The following SUGP1 variants were observed in gnomAD, a reference collection of about 807,000 sequenced individuals.
SUGP1 encodes SURP and G-patch domain containing 1.
SUGP1 carries 34 observed loss-of-function variants against 76.5 expected under a neutral mutation model. The observed-to-expected ratio is 0.44, with a 90% CI of 0.34 to 0.59. SUGP1 has a LOEUF of 0.59. Among genes scored for constraint, SUGP1 ranks in the 20% least tolerant of loss-of-function variants. SUGP1 has a pLI of 0.01. For synonymous variants in SUGP1, 326 were observed against 326.2 expected, an observed-to-expected ratio of 1.00 and a Z score of 0.01; for missense variants, 752 against 851.7, an observed-to-expected ratio of 0.88 and a Z score of 1.46.
chr19:19,278,689 C>A lies in SUGP1; in HGVS notation c.1635+1G>T. On this transcript the variant is annotated splice_donor_variant, in intron 11 of 13. Transcript: ENST00000247001. LOFTEE classifies it high-confidence loss of function. ...TGGAGCTAGGGCCCCTCCTGGCTCA[C>A]CTTCAGGGCCTTGAAGGTCTCCATA... 1.9e-6 allele frequency: 3 copies of A among 1,610,698 alleles called. No homozygotes were observed. Among genetic ancestry groups the A allele is most frequent in the Non-Finnish European group, 2.5e-6 (3 of 1,178,546 alleles).
intron 2 of SUGP1, 40 bp downstream of exon 2, chr19:19,316,382 C>T (rs753113329): frequency 6.2e-7 from 1 of 1,610,678 alleles, no homozygotes; most frequent in South Asian, 1.1e-5. Flanking sequence ...CCCTCAAAGA[C>T]TCACATCCAG....
rs746510879 is a variant in SUGP1 at position 19,277,687 on chromosome 19, A to C, written c.1781+47T>G. ...GGAATGGGGAGGCGGCAGGGGACCC[A>C]CAGACCCCAAGTTCATGGCCATGCC... is the stretch of plus-strand genomic sequence containing the variant. On this transcript the variant is annotated intron_variant, in intron 12 of 13. Coordinates refer to ENST00000247001, the MANE Select transcript of SUGP1 (RefSeq NM_172231.4). 2.2e-5 allele frequency: 35 copies of C among 1,600,210 alleles called. No homozygotes were observed. The Admixed American group carries it at 5.9e-4, about 27-fold the overall frequency.
intron 8 of SUGP1, among the ~76,000 whole-genome samples, chr19:19,291,762 C>T (rs554789245): frequency 5.3e-5 from 8 of 151,836 alleles, no homozygotes; most frequent in South Asian, 2.1e-4. Flanking sequence ...GGCTTGGTGG[C>T]GGCGCCTGTA....
intron 2 of SUGP1, among the ~76,000 whole-genome samples, chr19:19,312,773 G>C (rs1369635781): frequency 6.6e-6 from 1 of 151,576 alleles, no homozygotes; most frequent in Non-Finnish European, 1.5e-5. Flanking sequence ...GGATCACGTG[G>C]TCAGGAGATC....
intron 8 of SUGP1, chr19:19,281,145 T>G (rs983848485): frequency 3.3e-5 from 5 of 152,310 alleles, no homozygotes; most frequent in African/African-American, 1.2e-4. Context: ...ATCTGGTTGA[T>G]TGCCTTAGAG....
Position 19,316,321 on chromosome 19 carries a change from G to A in SUGP1, c.206+101C>T, listed in dbSNP as rs1311308687. On this transcript the variant is annotated intron_variant, in intron 2 of 13. Coordinates refer to ENST00000247001, the MANE Select transcript of SUGP1 (RefSeq NM_172231.4). ...TTCCTTGGATCATCAGGCTATGGCT[G>A]GGTGCAAGCACATGCTGACTGCCCT... The A allele has an allele frequency of 2.8e-6, 4 of 1,414,338 alleles. No individual in the cohort carries two copies. In the Admixed American group the frequency reaches 6.2e-5, roughly 22 times the overall value. The allele number at this position is 1,414,338 out of a possible 1,614,324, so 87.6% of individuals were successfully genotyped here.
intron 7 of SUGP1, 56 bp from the exon 8 acceptor site, chr19:19,297,400 A>ATTCTGGGGAGGAGCAGTTCTGGCC: frequency 7.4e-7 from 1 of 1,349,532 alleles, no homozygotes; most frequent in Non-Finnish European, 1.0e-6. Context: ...CCTGTCCCTG[A>ATTCTGGGGAGGAGCAGTTCTGGCC]TTCTGGGCAG....
chr19:19,303,399 C>A lies in SUGP1; in HGVS notation c.712G>T (p.Val238Leu). The A allele has an allele frequency of 6.2e-7, 1 of 1,614,176 alleles. No homozygotes were observed. Among genetic ancestry groups the A allele is most frequent in the Non-Finnish European group, 8.5e-7 (1 of 1,180,038 alleles). The change falls in exon 6 of 14, where the codon GTG becomes TTG. Residue 238 changes from valine (V) to leucine (L), a missense_variant. Val to Leu is a conservative substitution (Grantham distance 32, BLOSUM62 1). Transcript: ENST00000247001. ...SREFLYYRKK[V>L]AEIRKEAQKS... Reference sequence around the variant, plus strand: ...TGTGCTTCCTTTCTTATCTCAGCCACCTTCTTCCTGTAGTAGAGGAATTCC... The same window carrying A: ...TGTGCTTCCTTTCTTATCTCAGCCAACTTCTTCCTGTAGTAGAGGAATTCC...
chr19:19,308,846 G>A (rs931093096), intron 3 of SUGP1, among the ~76,000 whole-genome samples: 11 of 151,132 alleles, frequency 7.3e-5, no homozygotes, highest in African/African-American at 2.0e-4. Context: ...TTGAGTGCAG[G>A]GTCTACATTT....
In SUGP1 at chr19:19,280,306, C is replaced by T. The variant is rs1461529414; in HGVS notation, c.1244-15G>A. On this transcript the variant is annotated splice_polypyrimidine_tract_variant and intron_variant, in intron 8 of 13. Coordinates refer to ENST00000247001, the MANE Select transcript of SUGP1 (RefSeq NM_172231.4). ...GAGGTCCTGAACTGGAAACCAAAGACACAGGGTAGTCAGAGCCTGACAGGT... is the reference window on the plus strand; with the variant it reads ...GAGGTCCTGAACTGGAAACCAAAGATACAGGGTAGTCAGAGCCTGACAGGT... 1.2e-6 allele frequency: 2 copies of T among 1,611,938 alleles called. No individual in the cohort carries two copies. The highest frequency in any genetic ancestry group is 1.7e-6 in the Non-Finnish European group (2 of 1,178,580).
At chr19:19,304,504 AG>A in intron 4 of SUGP1, among the ~76,000 whole-genome samples, 1 of 152,204 alleles carries the variant, frequency 6.6e-6, no homozygotes, top group Non-Finnish European at 1.5e-5. Context: ...TCTGGGAGCT[AG>A]GGATGCTCAA....
Position 19,282,956 on chromosome 19 carries a change from C to T in SUGP1, c.1244-2665G>A, listed in dbSNP as rs145145789. Among the ~76,000 whole-genome samples, 6 of 151,894 alleles carry T rather than the reference C, an allele frequency of 4.0e-5. No homozygotes were observed. In the East Asian group the frequency reaches 5.8e-4, roughly 15 times the overall value. On this transcript the variant is annotated intron_variant, in intron 8 of 13. Transcript: ENST00000247001. ...GCCAGGCGTGGTGGCAGGCGCCTGT[C>T]GTCCCAGCTACTTGGGAGGCTGAAG...
intron 7 of SUGP1, 85 bp downstream of exon 7, chr19:19,302,180 G>A: frequency 6.4e-7 from 1 of 1,558,356 alleles, no homozygotes; most frequent in Non-Finnish European, 8.7e-7. Context: ...CCAGCAGGTG[G>A]CTGGACTATG....
At chr19:19,319,588 G>A (rs988186260) in intron 1 of SUGP1, among the ~76,000 whole-genome samples, 1 of 151,214 alleles carries the variant, frequency 6.6e-6, no homozygotes, top group Non-Finnish European at 1.5e-5. Context: ...TCGCTGTGTG[G>A]TGGCGCGCAT....
intron 3 of SUGP1, 95 bp from the exon 4 acceptor site, chr19:19,306,171 G>C: frequency 7.9e-7 from 1 of 1,262,682 alleles, no homozygotes; most frequent in Non-Finnish European, 1.1e-6. Context: ...CGGGGGAGCT[G>C]GGTCCTTGAC....
rs984775130 is a variant in SUGP1 at position 19,278,875 on chromosome 19, G to A, written c.1529-79C>T. 96 of 1,456,892 alleles carry A rather than the reference G, an allele frequency of 6.6e-5. No homozygotes were observed. In the African/African-American group the frequency reaches 1.2e-3, roughly 18 times the overall value. The allele number at this position is 1,456,892 out of a possible 1,614,324, so 90.2% of individuals were successfully genotyped here. ...AGGCCTGGTGGCTCCCAGGGCACAG[G>A]TATGAGGCTCAGTGGGAGCCTGGGG... On this transcript the variant is annotated intron_variant, in intron 10 of 13. Coordinates refer to ENST00000247001, the MANE Select transcript of SUGP1 (RefSeq NM_172231.4).
At chr19:19,282,643 A>T (rs1039497299) in intron 8 of SUGP1, among the ~76,000 whole-genome samples, 1 of 152,166 alleles carries the variant, frequency 6.6e-6, no homozygotes, top group Non-Finnish European at 1.5e-5. Flanking sequence ...CTTGAACTAC[A>T]TGGGTATGAA....
intron 7 of SUGP1, among the ~76,000 whole-genome samples, chr19:19,298,729 C>CA (rs1410600149): frequency 1.3e-5 from 2 of 152,214 alleles, no homozygotes; most frequent in Non-Finnish European, 2.9e-5. Flanking sequence ...GAGAAGGGAA[C>CA]AGTTGGTCAG....
At chr19:19,289,744 C>A (rs1268749126) in intron 8 of SUGP1, among the ~76,000 whole-genome samples, 1 of 151,500 alleles carries the variant, frequency 6.6e-6, no homozygotes, top group Non-Finnish European at 1.5e-5. Flanking sequence ...GGAGACTCTG[C>A]CTCAAAAAAA....
Sources: gnomAD v4.1 joint callset for allele counts (sites outside exome capture counted in the v4.1 genomes callset) on GRCh38, gnomAD v4.1.1 for gene constraint, MANE v1.5 for transcripts, NCBI Gene and HGNC (gene_info 2026-07-23, HGNC 2026-07-21) for gene names.